Variants in ZNF408 observed in about 807,000 individuals in gnomAD.
The protein encoded by ZNF408 is PR domain zinc finger protein 17.
ZNF408 carries 24 observed loss-of-function variants against 27.6 expected under a neutral mutation model. The observed-to-expected ratio is 0.87, with a 90% CI of 0.63 to 1.22. The LOEUF (loss-of-function observed/expected upper bound fraction) is 1.22, where lower values mean the gene tolerates loss of function less well. ZNF408 is among the 50% of genes most tolerant of loss of function. The pLI is 0.00. For missense variants in ZNF408, 897 were observed against 949.0 expected (o/e 0.95, Z 0.72); for synonymous variants, 410 against 396.1 (o/e 1.04, Z -0.42).
At chr11:46,702,863 G>A in intron 3 of ZNF408, 98 bp downstream of exon 3, 1 of 1,597,622 alleles carries the variant, frequency 6.3e-7, no homozygotes, top group Non-Finnish European at 8.6e-7. Flanking sequence ...GTGCTCTTTT[G>A]CAGTGAATGT....
Position 46,701,071 on chromosome 11 carries a change from C to T in ZNF408, c.24C>T (p.Leu8=), listed in dbSNP as rs993317428. ...GAATGGAGGAGGCGGAGGAGCTGCT[C>T]TTGGAGGGGAAGAAGGCGCTGCAAC... MEEAEEL[L]LEGKKALQLA... The change falls in exon 1 of 5, where the codon CTC becomes CTT. Residue 8 remains leucine (L), a synonymous_variant. Coordinates refer to ENST00000311764, the MANE Select transcript of ZNF408 (RefSeq NM_024741.3). 1 of 1,614,036 alleles carries T rather than the reference C, an allele frequency of 6.2e-7. No individual in the cohort carries two copies. Among genetic ancestry groups the T allele is most frequent in the African/African-American group, 1.3e-5 (1 of 74,916 alleles).
Position 46,701,110 on chromosome 11 carries a change from T to A in ZNF408, c.52+11T>A. ...AGGCGCTGCAACTCGGTGAGTGACC[T>A]GCGATGTCCGCGACCCTCAACCTTG... On this transcript the variant is annotated intron_variant, in intron 1 of 4. Transcript: ENST00000311764. The A allele has an allele frequency of 6.2e-7, 1 of 1,614,120 alleles. No homozygotes were observed. Among genetic ancestry groups the A allele is most frequent in the Non-Finnish European group, 8.5e-7 (1 of 1,180,006 alleles).
In ZNF408 at chr11:46,705,257, C is replaced by T. The variant is rs148867575; in HGVS notation, c.1557C>T (p.Thr519=). 9.6e-5 allele frequency: 154 copies of T among 1,612,020 alleles called. No individual in the cohort carries two copies. The highest frequency in any genetic ancestry group is 3.9e-4 in the African/African-American group (29 of 74,920). ...TGCGTGGGCATTTGCGGCTCCACAC[C>T]GGGGAGCGTCCTTACCGCTGCCCAC... The part of the protein sequence containing the change: ...GNLRGHLRLH[T]GERPYRCPHC... The change falls in exon 5 of 5, where the codon ACC becomes ACT. Residue 519 remains threonine (T), a synonymous_variant. Transcript: ENST00000311764. This position sits in a 1 kb window ranked among gnomAD's most constrained non-coding sequence, Gnocchi z 6.5.
At chr11:46,704,210 C>G (rs2064732842) in intron 4 of ZNF408, 143 bp from the exon 5 acceptor site, 1 of 847,206 alleles carries the variant, frequency 1.2e-6, no homozygotes, top group Non-Finnish European at 1.8e-6. Context: ...GTGTGCACCC[C>G]ATGCTCCAGG....
Position 46,704,776 on chromosome 11 carries a change from G to A in ZNF408, c.1076G>A (p.Gly359Asp). 6.3e-7 allele frequency: 1 copy of A among 1,596,798 alleles called. No individual in the cohort carries two copies. The highest frequency in any genetic ancestry group is 1.7e-5 in the Admixed American group (1 of 58,010). ...CGACGGTACCGGTGTGGAGAGTGTG[G>A]CAAGGCATTCCTACAGCTGTGCCAC... ...QGRRYRCGEC[G>D]KAFLQLCHLK... Residue 359 changes from glycine to aspartate, a missense_variant, in exon 5 of 5, where the codon GGC becomes GAC. Coordinates refer to ENST00000311764, the MANE Select transcript of ZNF408 (RefSeq NM_024741.3).
chr11:46,703,272 A>G (rs2064724413), intron 4 of ZNF408, 29 bp downstream of exon 4: 1 of 1,588,754 alleles, frequency 6.3e-7, no homozygotes. Flanking sequence ...CTGGTTTCCC[A>G]GCAATTTCCC....
chr11:46,703,437 G>C (rs1408762387), intron 4 of ZNF408, among the ~76,000 whole-genome samples, 194 bp downstream of exon 4: 1 of 152,178 alleles, frequency 6.6e-6, no homozygotes. Flanking sequence ...ATTGGGTAAG[G>C]ATTATGACTG....
intron 4 of ZNF408, 106 bp downstream of exon 4, chr11:46,703,349 T>C: frequency 2.2e-6 from 3 of 1,377,350 alleles, no homozygotes; most frequent in Non-Finnish European, 2.9e-6. Context: ...AAGGACACTA[T>C]AGAGTCTTAG....
Position 46,701,686 on chromosome 11 carries a change from G to T in ZNF408, c.330+10G>T. On this transcript the variant is annotated intron_variant, in intron 2 of 4. Transcript: ENST00000311764. ...GCCACGGCAGGAGGAGGTATTGAAG[G>T]ATAGAGCGACTTCCCTCCGCCCTTG... The T allele has an allele frequency of 1.3e-6, 2 of 1,544,450 alleles. No individual in the cohort carries two copies. The highest frequency in any genetic ancestry group is 3.4e-4 in the Middle Eastern group (2 of 5,840).
rs766743340 is a variant in ZNF408 at position 46,704,640 on chromosome 11, G to T, written c.940G>T (p.Asp314Tyr). Residue 314 changes from aspartate to tyrosine, a missense_variant, in exon 5 of 5, where the codon GAT becomes TAT. Coordinates refer to ENST00000311764, the MANE Select transcript of ZNF408 (RefSeq NM_024741.3). ...YLAKKLHSPS[D>Y]QCPPRAKTPE... ...GGCCAAGAAGTTACACAGCCCCAGT[G>T]ATCAGTGCCCACCCAGAGCAAAGAC... 2 of 1,613,902 alleles carry T rather than the reference G, an allele frequency of 1.2e-6. No individual in the cohort carries two copies. Among genetic ancestry groups the T allele is most frequent in the Non-Finnish European group, 1.7e-6 (2 of 1,180,022 alleles).
In ZNF408 at chr11:46,705,693, G is replaced by A. The variant is rs373784613; in HGVS notation, c.1993G>A (p.Glu665Lys). 2.1e-5 allele frequency: 34 copies of A among 1,613,750 alleles called. No individual in the cohort carries two copies. The highest frequency in any genetic ancestry group is 2.7e-5 in the Non-Finnish European group (32 of 1,179,952). ...ACAACTGCTGGACACACACAGAGAG[G>A]AGGAAGTCTCCCCCGCCAGGGATGT... Reference protein sequence around the residue: ...EPQLLDTHREEEVSPARDVVE... With the variant: ...EPQLLDTHREKEVSPARDVVE... The change falls in exon 5 of 5, where the codon GAG becomes AAG. Residue 665 changes from glutamate to lysine, a missense_variant. Physicochemically the swap from Glu to Lys is moderately conservative, Grantham distance 56 (BLOSUM62 1). Coordinates refer to ENST00000311764, the MANE Select transcript of ZNF408 (RefSeq NM_024741.3). This position sits in a 1 kb window ranked among gnomAD's most constrained non-coding sequence, Gnocchi z 6.5.
chr11:46,704,732 A>G lies in ZNF408; in HGVS notation c.1032A>G (p.Gly344=), dbSNP rs2064737921. ...CGCGGAGCCCTCCTGGCCCAGCAGG[A>G]AGCTCCCCAAAGCAGGGGCGACGGT... is the stretch of plus-strand genomic sequence containing the variant. ...TLSRSPPGPA[G]SSPKQGRRYR... The change falls in exon 5 of 5, where the codon GGA becomes GGG. Residue 344 remains glycine, a synonymous_variant. Transcript: ENST00000311764. 1.3e-6 allele frequency: 2 copies of G among 1,597,596 alleles called. No individual in the cohort carries two copies. Among genetic ancestry groups the G allele is most frequent in the South Asian group, 2.2e-5 (2 of 89,058 alleles).
rs2064741974 is a variant in ZNF408, at chr11:46,705,169, A to G, written c.1469A>G (p.His490Arg). ...TCCCTGCGGAACCATATGAGGCTCC[A>G]TACAGGAGAAAAGCCTTTCCTGTGC... ...QGSLRNHMRL[H>R]TGEKPFLCPH... Residue 490 changes from histidine to arginine, a missense_variant, in exon 5 of 5, where the codon CAT becomes CGT. Physicochemically the swap from His to Arg is conservative, Grantham distance 29 (BLOSUM62 0). Transcript: ENST00000311764. This position sits in a 1 kb window ranked among gnomAD's most constrained non-coding sequence, Gnocchi z 6.5. 1.2e-6 allele frequency: 2 copies of G among 1,611,470 alleles called. No individual in the cohort carries two copies. Among genetic ancestry groups the G allele is most frequent in the Non-Finnish European group, 1.7e-6 (2 of 1,179,940 alleles).
chr11:46,705,170 T>C lies in ZNF408; in HGVS notation c.1470T>C (p.His490=). The change falls in exon 5 of 5, where the codon CAT becomes CAC. Residue 490 remains histidine (H), a synonymous_variant. Coordinates refer to ENST00000311764, the MANE Select transcript of ZNF408 (RefSeq NM_024741.3). This position sits in a 1 kb window ranked among gnomAD's most constrained non-coding sequence, Gnocchi z 6.5. The part of the protein sequence containing the change: ...QGSLRNHMRL[H]TGEKPFLCPH... ...CCCTGCGGAACCATATGAGGCTCCATACAGGAGAAAAGCCTTTCCTGTGCC... is the reference window on the plus strand; with the variant it reads ...CCCTGCGGAACCATATGAGGCTCCACACAGGAGAAAAGCCTTTCCTGTGCC... 2.5e-6 allele frequency: 4 copies of C among 1,611,498 alleles called. No individual in the cohort carries two copies. The highest frequency in any genetic ancestry group is 3.4e-6 in the Non-Finnish European group (4 of 1,179,936).
rs2064718815 is a variant in ZNF408, at chr11:46,702,712, A to G, written c.339A>G (p.Ser113=). 4 of 1,613,968 alleles carry G rather than the reference A, an allele frequency of 2.5e-6. No homozygotes were observed. Among genetic ancestry groups the G allele is most frequent in the South Asian group, 2.2e-5 (2 of 91,086 alleles). ...GVKPRQEENL[S]LGPWGDVCAC... ...TTGTTGGTTTATTTCAGAACCTGTC[A>G]TTAGGCCCATGGGGAGACGTGTGTG... The change falls in exon 3 of 5, where the codon TCA becomes TCG. Residue 113 remains serine (S), a synonymous_variant. Transcript: ENST00000311764.
intron 4 of ZNF408, among the ~76,000 whole-genome samples, chr11:46,703,769 TG>T (rs374237021): frequency 0.075 from 6,796 of 90,032 alleles, 653 homozygotes; most frequent in South Asian, 0.17. Context: ...TTGTTGTTGT[TG>T]TTTTTTTTTT....
intron 2 of ZNF408, 139 bp from the exon 3 acceptor site, chr11:46,702,565 T>C: frequency 1.2e-6 from 1 of 803,368 alleles, no homozygotes; most frequent in South Asian, 1.7e-5. Context: ...ACTGTCCTGT[T>C]AGAGGAGAAC....
chr11:46,703,287 A>C (rs546881191), intron 4 of ZNF408, 44 bp downstream of exon 4: 3 of 1,576,212 alleles, frequency 1.9e-6, no homozygotes, highest in African/African-American at 2.7e-5. Context: ...TTTCCCCACC[A>C]AAACAACCTG....
At chr11:46,702,931 A>G in intron 3 of ZNF408, 53 bp from the exon 4 acceptor site, 2 of 1,604,970 alleles carry the variant, frequency 1.2e-6, no homozygotes, top group South Asian at 2.2e-5. Context: ...GCTTTCGGGG[A>G]AGACCACTTG....
Sources: gnomAD v4.1 joint callset for allele counts (sites outside exome capture counted in the v4.1 genomes callset) on GRCh38, gnomAD v4.1.1 for gene constraint, Gnocchi (gnomAD v3.1) non-coding constraint, MANE v1.5 for transcripts, NCBI Gene and HGNC (gene_info 2026-07-23, HGNC 2026-07-21) for gene names.